RHOJ: variants seen among roughly 807,000 people sequenced by gnomAD.
RHOJ encodes ras homolog family member J, also known as rho-related GTP-binding protein RhoJ.
RHOJ carries 11 observed loss-of-function variants against 23.4 expected under a neutral mutation model. The observed-to-expected ratio is 0.47, with a 90% CI of 0.30 to 0.78. RHOJ has a LOEUF of 0.78. Ranked by LOEUF, RHOJ falls within the 30% of genes least tolerant of loss-of-function variation. The probability of loss-of-function intolerance (pLI) is 0.08; values close to 1 mark genes in which losing one functional copy is unlikely to be tolerated. For synonymous variants in RHOJ, 102 were observed against 102.7 expected (o/e 0.99, Z 0.04); for missense variants, 254 against 273.4 (o/e 0.93, Z 0.50).
chr14:63,222,597 G>C (rs551783504), intron 1 of RHOJ, among the ~76,000 whole-genome samples: 4 of 152,302 alleles, frequency 2.6e-5, no homozygotes, highest in Non-Finnish European at 5.9e-5. Context: ...ATTTTTTCAT[G>C]TGTCTGTTGG....
At chr14:63,271,069 A>G (rs1165359912) in intron 2 of RHOJ, among the ~76,000 whole-genome samples, 1 of 152,240 alleles carries the variant, frequency 6.6e-6, no homozygotes, top group Middle Eastern at 3.2e-3. Context: ...TTGTAAAAAT[A>G]TCTTTAAACT....
chr14:63,234,743 A>C (rs541538420), intron 1 of RHOJ, among the ~76,000 whole-genome samples: 1 of 152,324 alleles, frequency 6.6e-6, no homozygotes, highest in African/African-American at 2.4e-5. Flanking sequence ...TTTTCCAAAA[A>C]ATATATATAA....
intron 1 of RHOJ, among the ~76,000 whole-genome samples, chr14:63,261,814 G>A (rs907390825): frequency 1.3e-5 from 2 of 152,022 alleles, no homozygotes; most frequent in Admixed American, 6.6e-5. Flanking sequence ...CCATCTTACC[G>A]GTTCACTCAC....
chr14:63,290,738 A>AAT, intron 4 of RHOJ, 140 bp from the exon 5 acceptor site: 3 of 661,152 alleles, frequency 4.5e-6, no homozygotes, highest in Non-Finnish European at 6.8e-6. Context: ...AAAAAAAAAA[A>AAT]AAGACAAACA....
chr14:63,260,410 C>T (rs574905379), intron 1 of RHOJ, among the ~76,000 whole-genome samples: 50 of 152,202 alleles, frequency 3.3e-4, no homozygotes, highest in African/African-American at 1.1e-3. Context: ...AAGCCTAAGA[C>T]GAAAGCTTCT....
intron 1 of RHOJ, among the ~76,000 whole-genome samples, chr14:63,238,788 T>G (rs1299961483): frequency 6.6e-6 from 1 of 152,162 alleles, no homozygotes; most frequent in Non-Finnish European, 1.5e-5. Flanking sequence ...GCCCTGTTCA[T>G]GCCTCAGGAA....
At chr14:63,234,725 C>T (rs894855413) in intron 1 of RHOJ, among the ~76,000 whole-genome samples, 1 of 152,062 alleles carries the variant, frequency 6.6e-6, no homozygotes, top group South Asian at 2.1e-4. Flanking sequence ...TGACTTTTCA[C>T]ATATATTTTT....
intron 1 of RHOJ, among the ~76,000 whole-genome samples, chr14:63,262,052 T>C (rs897953137): frequency 2.0e-5 from 3 of 152,202 alleles, no homozygotes; most frequent in Admixed American, 2.0e-4. Flanking sequence ...TGCTAGCAAC[T>C]GAACGGCACT....
chr14:63,240,711 T>C (rs1894868225), intron 1 of RHOJ, among the ~76,000 whole-genome samples: 1 of 152,150 alleles, frequency 6.6e-6, no homozygotes, highest in African/African-American at 2.4e-5. Flanking sequence ...AATCACACAA[T>C]AGATATTTCA....
chr14:63,207,674 C>A (rs1367333673), intron 1 of RHOJ, among the ~76,000 whole-genome samples: 1 of 152,188 alleles, frequency 6.6e-6, no homozygotes, highest in Non-Finnish European at 1.5e-5. Context: ...GGAAATACAA[C>A]CTACTGTGCA....
intron 1 of RHOJ, among the ~76,000 whole-genome samples, chr14:63,263,738 C>G (rs998192465): frequency 3.3e-5 from 5 of 152,306 alleles, no homozygotes; most frequent in South Asian, 2.1e-4. Flanking sequence ...TTAAGTCATT[C>G]TCTTTTACTC....
intron 1 of RHOJ, among the ~76,000 whole-genome samples, chr14:63,224,180 G>A (rs1894548224): frequency 1.3e-5 from 2 of 152,212 alleles, no homozygotes; most frequent in African/African-American, 4.8e-5. Flanking sequence ...TGCCAGGAGT[G>A]TAGAATGACA....
In RHOJ at chr14:63,232,747, G is replaced by A. The variant is rs1238197883; in HGVS notation, c.178+27700G>A. 4.4e-5 allele frequency among the ~76,000 whole-genome samples: 6 copies of A among 136,818 alleles called. No individual in the cohort carries two copies. In the East Asian group the frequency reaches 6.4e-4, roughly 15 times the overall value. The allele number at this position is 136,818 out of a possible 152,430, so 89.8% of individuals were successfully genotyped here. ...GGTCTCACTCTGTCACCCAGGCTGCGATGCAGTGGCGCGATCTCAGCTCAC... is the reference window on the plus strand; with the variant it reads ...GGTCTCACTCTGTCACCCAGGCTGCAATGCAGTGGCGCGATCTCAGCTCAC... On this transcript the variant is annotated intron_variant, in intron 1 of 4. Coordinates refer to ENST00000316754, the MANE Select transcript of RHOJ (RefSeq NM_020663.5).
chr14:63,283,207 C>T lies in RHOJ; in HGVS notation c.489C>T (p.Leu163=), dbSNP rs1881969574. 2.5e-6 allele frequency: 4 copies of T among 1,612,476 alleles called. No homozygotes were observed. The highest frequency in any genetic ancestry group is 1.3e-5 in the African/African-American group (1 of 74,866). The change falls in exon 4 of 5, where the codon CTC becomes CTT. Residue 163 remains leucine (L), a synonymous_variant. Coordinates refer to ENST00000316754, the MANE Select transcript of RHOJ (RefSeq NM_020663.5). ...TCACTTACGAGCATGGTGTGAAGCT[C>T]GCAAAAGCGGTACAGTCAGATTTGA... The part of the protein sequence containing the change: ...KPLTYEHGVK[L]AKAIGAQCYL...
chr14:63,271,688 G>C (rs377418631), intron 2 of RHOJ, among the ~76,000 whole-genome samples: 1 of 152,202 alleles, frequency 6.6e-6, no homozygotes. Flanking sequence ...TCCGCTTCCC[G>C]AGTTCAAGCA....
chr14:63,216,483 A>G (rs951991882), intron 1 of RHOJ, among the ~76,000 whole-genome samples: 8 of 151,872 alleles, frequency 5.3e-5, no homozygotes, highest in African/African-American at 1.2e-4. Context: ...TGCAATGACT[A>G]TGTTCACATT....
intron 1 of RHOJ, among the ~76,000 whole-genome samples, chr14:63,250,294 G>T (rs1895046653): frequency 6.6e-6 from 1 of 152,078 alleles, no homozygotes; most frequent in Admixed American, 6.6e-5. Context: ...ATCCAGGCTG[G>T]AGTACAGTGG....
intron 2 of RHOJ, among the ~76,000 whole-genome samples, chr14:63,272,301 A>T (rs1330599712): frequency 6.6e-6 from 1 of 151,688 alleles, no homozygotes; most frequent in Admixed American, 6.5e-5. Context: ...GCCTCTTCTC[A>T]GTTGTATTCT....
intron 1 of RHOJ, among the ~76,000 whole-genome samples, chr14:63,220,950 T>G (rs1186406077): frequency 6.6e-6 from 1 of 152,204 alleles, no homozygotes; most frequent in African/African-American, 2.4e-5. Flanking sequence ...ATATCTATAC[T>G]GTGTTTGGTC....
Sources: gnomAD v4.1 joint callset for allele counts (sites outside exome capture counted in the v4.1 genomes callset) on GRCh38, gnomAD v4.1.1 for gene constraint, MANE v1.5 for transcripts, NCBI Gene and HGNC (gene_info 2026-07-23, HGNC 2026-07-21) for gene names.